Variants in ATG14 observed in about 807,000 individuals in gnomAD.
ATG14 encodes the protein beclin 1-associated autophagy-related key regulator.
Under a neutral mutation model 60.4 loss-of-function variants are expected in ATG14, and 35 were observed. That is an observed-to-expected ratio of 0.58 (90% CI 0.44 to 0.77). The LOEUF (loss-of-function observed/expected upper bound fraction) is 0.77, where lower values mean the gene tolerates loss of function less well. Among genes scored for constraint, ATG14 ranks in the 30% least tolerant of loss-of-function variants. The probability of loss-of-function intolerance (pLI) is 0.00; values close to 1 mark genes in which losing one functional copy is unlikely to be tolerated. For synonymous variants in ATG14, 234 were observed against 228.8 expected, an observed-to-expected ratio of 1.02 and a Z score of -0.21; for missense variants, 647 against 626.3, an observed-to-expected ratio of 1.03 and a Z score of -0.35.
chr14:55,391,109 C>A, intron 3 of ATG14, 117 bp from the exon 4 acceptor site: 1 of 660,196 alleles, frequency 1.5e-6, no homozygotes, highest in South Asian at 2.0e-5. Context: ...AAGAAAAAGA[C>A]CTTATGTTAT....
intron 3 of ATG14, among the ~76,000 whole-genome samples, chr14:55,393,372 G>C (rs201752812): frequency 2.0e-5 from 3 of 151,488 alleles, no homozygotes; most frequent in Admixed American, 6.6e-5. Context: ...GTGACAGAGC[G>C]AGACTCTGTC....
At chr14:55,400,571 T>C (rs1447141350) in intron 1 of ATG14, among the ~76,000 whole-genome samples, 1 of 152,212 alleles carries the variant, frequency 6.6e-6, no homozygotes, top group Non-Finnish European at 1.5e-5. Context: ...AGTGCACTTT[T>C]ATAGGCTTTC....
intron 1 of ATG14, among the ~76,000 whole-genome samples, chr14:55,407,171 C>T (rs1885504458): frequency 6.6e-6 from 1 of 152,134 alleles, no homozygotes; most frequent in African/African-American, 2.4e-5. Context: ...GCTCTCTCGC[C>T]AGGCTGGAGT....
intron 1 of ATG14, among the ~76,000 whole-genome samples, chr14:55,405,599 C>G (rs946692985): frequency 6.6e-6 from 1 of 152,240 alleles, no homozygotes; most frequent in Non-Finnish European, 1.5e-5. Context: ...CTAACATGAA[C>G]TGGTAACCAA....
At position 55,369,381 on chromosome 14, in the gene ATG14, G is replaced by C; in HGVS notation, c.*238C>G. 2.8e-6 allele frequency: 1 copy of C among 353,058 alleles called. No individual in the cohort carries two copies. The highest frequency in any genetic ancestry group is 5.0e-6 in the Non-Finnish European group (1 of 198,230). The allele number at this position is 353,058 out of a possible 1,614,324, so 21.9% of individuals were successfully genotyped here. Reference sequence around the variant, plus strand: ...ACAGGTCCTCCTTCCACCAGCACTGGTCTGGGTAGAAAGACCTTCGACCCC... The same window carrying C: ...ACAGGTCCTCCTTCCACCAGCACTGCTCTGGGTAGAAAGACCTTCGACCCC... On this transcript the variant is annotated 3_prime_UTR_variant, in exon 10 of 10. Coordinates refer to ENST00000247178, the MANE Select transcript of ATG14 (RefSeq NM_014924.5).
chr14:55,370,033 A>C, intron 9 of ATG14, 108 bp from the exon 10 acceptor site: 3 of 1,062,068 alleles, frequency 2.8e-6, no homozygotes, highest in South Asian at 1.9e-5. Flanking sequence ...GACGCCGCAC[A>C]CCCCATTCAT....
intron 9 of ATG14, among the ~76,000 whole-genome samples, chr14:55,375,546 G>A (rs1014441144): frequency 2.7e-5 from 3 of 109,722 alleles, no homozygotes; most frequent in African/African-American, 1.0e-4. Flanking sequence ...GTCTCACTAT[G>A]TTGCCCAGGC....
chr14:55,393,511 A>C (rs919663535), intron 3 of ATG14, among the ~76,000 whole-genome samples: 5 of 152,126 alleles, frequency 3.3e-5, no homozygotes, highest in African/African-American at 1.2e-4. Flanking sequence ...CTCAGGGGTA[A>C]TCCTTTAAAA....
intron 1 of ATG14, among the ~76,000 whole-genome samples, chr14:55,402,139 A>G (rs189784536): frequency 6.6e-6 from 1 of 152,296 alleles, no homozygotes. Context: ...ATTCTGTGCT[A>G]GGAATAACTA....
intron 9 of ATG14, among the ~76,000 whole-genome samples, chr14:55,374,879 C>T (rs1441527389): frequency 6.6e-6 from 1 of 152,320 alleles, no homozygotes; most frequent in East Asian, 1.9e-4. Flanking sequence ...TGCATGCTAA[C>T]AGCACTCTGT....
intron 1 of ATG14, among the ~76,000 whole-genome samples, chr14:55,406,288 T>C (rs1442862211): frequency 1.3e-5 from 2 of 152,222 alleles, no homozygotes; most frequent in Non-Finnish European, 2.9e-5. Flanking sequence ...TCAAGATCCA[T>C]GCAGGCACAG....
At chr14:55,409,816 T>C (rs568540064) in intron 1 of ATG14, among the ~76,000 whole-genome samples, 2 of 152,316 alleles carry the variant, frequency 1.3e-5, no homozygotes, top group African/African-American at 4.8e-5. Flanking sequence ...ACTGGAAGAT[T>C]TGAACAGAAA....
rs180924585 is a variant in ATG14, at chr14:55,410,333, G to C, written c.221+1269C>G. On this transcript the variant is annotated intron_variant, in intron 1 of 9. Transcript: ENST00000247178. The stretch of plus-strand genomic sequence containing the variant: ...TATTTAAATTATGTGAATAGACATA[G>C]TAAAACGTGTAGACAGACAAGAAGG... 7.9e-5 allele frequency among the ~76,000 whole-genome samples: 12 copies of C among 152,326 alleles called. No individual in the cohort carries two copies. In the East Asian group the frequency reaches 2.3e-3, roughly 29 times the overall value.
chr14:55,395,861 T>A (rs1486341599), intron 3 of ATG14, 79 bp downstream of exon 3: 3 of 1,087,318 alleles, frequency 2.8e-6, no homozygotes, highest in Non-Finnish European at 3.8e-6. Flanking sequence ...TTAAAAATTT[T>A]AATTAAAAAT....
At position 55,401,288 on chromosome 14, in the gene ATG14, T is replaced by C. The variant is rs537325862; in HGVS notation, c.222-3854A>G. ...AGTTTTTTTTTTCCTTTGAGGATTA[T>C]TTAGCAGGGAAATTGGCCATTTTTA... On this transcript the variant is annotated intron_variant, in intron 1 of 9. Transcript: ENST00000247178. Among the ~76,000 whole-genome samples, 288 of 152,220 alleles carry C rather than the reference T, an allele frequency of 1.9e-3. 3 individuals carry two copies. The highest frequency in any genetic ancestry group is 6.6e-3 in the African/African-American group (273 of 41,542).
At chr14:55,371,894 A>G (rs982095715) in intron 9 of ATG14, among the ~76,000 whole-genome samples, 2 of 152,168 alleles carry the variant, frequency 1.3e-5, no homozygotes, top group African/African-American at 4.8e-5. Flanking sequence ...AGTATTTTGC[A>G]AGGGTGAAAG....
chr14:55,379,362 C>G (rs2140127811), intron 7 of ATG14, among the ~76,000 whole-genome samples: 1 of 151,684 alleles, frequency 6.6e-6, no homozygotes, highest in African/African-American at 2.4e-5. Flanking sequence ...ATAGGGAGAC[C>G]CTGTCTCATA....
intron 7 of ATG14, among the ~76,000 whole-genome samples, chr14:55,379,316 G>T (rs1566578667): frequency 1.3e-5 from 2 of 151,890 alleles, no homozygotes; most frequent in African/African-American, 4.8e-5. Flanking sequence ...AGGGCGGATC[G>T]CTTGAGCCCA....
At position 55,368,840 on chromosome 14, in the gene ATG14, C is replaced by G. The variant is rs191291953; in HGVS notation, c.*779G>C. On this transcript the variant is annotated 3_prime_UTR_variant, in exon 10 of 10. Transcript: ENST00000247178. Reference sequence around the variant, plus strand: ...AATATAAGTTCAATTTCAAAATGCTCATAGTGTGGATGGCAGGAATTCAAC... The same window carrying G: ...AATATAAGTTCAATTTCAAAATGCTGATAGTGTGGATGGCAGGAATTCAAC... 6.6e-6 allele frequency: 1 copy of G among 152,376 alleles called. No individual in the cohort carries two copies. The highest frequency in any genetic ancestry group is 2.4e-5 in the African/African-American group (1 of 41,556). The allele number at this position is 152,376 out of a possible 1,614,324, so 9.4% of individuals were successfully genotyped here.
Sources: allele counts gnomAD v4.1 joint callset (sites outside exome capture counted in the v4.1 genomes callset), GRCh38; gene constraint gnomAD v4.1.1; transcripts MANE v1.5; gene names NCBI Gene and HGNC (gene_info 2026-07-23, HGNC 2026-07-21).